Variants in CSMD2 observed in about 807,000 individuals in gnomAD.
The protein encoded by CSMD2 is CUB and Sushi multiple domains 2.
A neutral mutation model predicts 398.5 loss-of-function variants in CSMD2; 130 were observed. That is an observed-to-expected ratio of 0.33 (90% CI 0.28 to 0.38). The LOEUF (loss-of-function observed/expected upper bound fraction) is 0.38. Among genes scored for constraint, CSMD2 ranks in the 10% least tolerant of loss-of-function variants. The pLI is 1.00. For synonymous variants in CSMD2, 1,828 were observed against 1,908.5 expected (o/e 0.96, Z 1.10); for missense variants, 3,829 against 4,764.9 (o/e 0.80, Z 5.78).
chr1:33,936,289 A>G (rs79161330), intron 3 of CSMD2, among the ~76,000 whole-genome samples: 2,503 of 152,110 alleles, frequency 0.016, 63 homozygotes, highest in African/African-American at 0.056. Context: ...TATTACTTTA[A>G]CCTCTTGGGC....
intron 5 of CSMD2, among the ~76,000 whole-genome samples, chr1:33,911,431 A>T (rs1643436675): frequency 6.6e-6 from 1 of 152,236 alleles, no homozygotes; most frequent in South Asian, 2.1e-4. Flanking sequence ...TCCATGGGTA[A>T]AATGCCTAAT....
intron 12 of CSMD2, among the ~76,000 whole-genome samples, chr1:33,776,043 G>A (rs759082092): frequency 5.3e-5 from 8 of 152,218 alleles, no homozygotes; most frequent in Non-Finnish European, 1.0e-4. Context: ...TACCAAACAG[G>A]AGAAGAGAAG....
intron 5 of CSMD2, among the ~76,000 whole-genome samples, chr1:33,887,150 T>C (rs1641654962): frequency 1.3e-5 from 2 of 152,026 alleles, no homozygotes; most frequent in South Asian, 4.2e-4. Context: ...TGTAAAATGA[T>C]CAAATGCTTT....
At chr1:33,964,177 G>T (rs191300229) in intron 3 of CSMD2, among the ~76,000 whole-genome samples, 1 of 152,284 alleles carries the variant, frequency 6.6e-6, no homozygotes, top group Non-Finnish European at 1.5e-5. Flanking sequence ...TGGAGAGAAG[G>T]CGCTGCAGCA....
intron 46 of CSMD2, among the ~76,000 whole-genome samples, chr1:33,584,474 A>G (rs1039126574): frequency 1.1e-4 from 16 of 152,144 alleles, no homozygotes; most frequent in African/African-American, 3.4e-4. Context: ...ACTCAAGACC[A>G]TCCTGGCCAA....
At chr1:33,539,517 C>A (rs904183290) in intron 60 of CSMD2, among the ~76,000 whole-genome samples, 9 of 152,146 alleles carry the variant, frequency 5.9e-5, no homozygotes, top group African/African-American at 2.2e-4. Context: ...ACAGCATGAG[C>A]CAATACCAGT....
At position 33,992,893 on chromosome 1, in the gene CSMD2, A is replaced by G. The variant is rs1296978185; in HGVS notation, c.517+39701T>C. On this transcript the variant is annotated intron_variant, in intron 3 of 70. Transcript: ENST00000373381. ...CTCCATCTCAAAAAAAAAAAAAAAAAAGTTAGATAACTCATGGCACAGAGA... is the reference window on the plus strand; with the variant it reads ...CTCCATCTCAAAAAAAAAAAAAAAAGAGTTAGATAACTCATGGCACAGAGA... Among the ~76,000 whole-genome samples, 4 of 151,638 alleles carry G rather than the reference A, an allele frequency of 2.6e-5. No individual in the cohort carries two copies. The East Asian group carries it at 7.8e-4, about 29-fold the overall frequency.
rs1164924879 is a variant in CSMD2, at chr1:33,935,933, C to T, written c.539G>A (p.Gly180Glu). ...GCCATTGGGCAGCCTCCCTGGGTTC[C>T]CACATGTGTGGCTGGGGAGAACTGT... ...TYEVLPSHTC[G>E]NPGRLPNGIQ... The change falls in exon 4 of 71, where the codon GGG (glycine) becomes GAG (glutamate). Residue 180 changes from glycine (G) to glutamate (E), a missense_variant. Transcript: ENST00000373381. 1 of 1,611,826 alleles carries T rather than the reference C, an allele frequency of 6.2e-7. No individual in the cohort carries two copies. Among genetic ancestry groups the T allele is most frequent in the South Asian group, 1.1e-5 (1 of 90,694 alleles).
At position 33,641,503 on chromosome 1, in the gene CSMD2, A is replaced by G. The variant is rs72662048; in HGVS notation, c.4775-4949T>C. On this transcript the variant is annotated intron_variant, in intron 29 of 70. Coordinates refer to ENST00000373381, the MANE Select transcript of CSMD2 (RefSeq NM_001281956.2). ...GACTCCATTTTGGTAACTGTATCCA[A>G]AACACAGGATCCCTGCTGTTCTTTG... 2.7e-3 allele frequency among the ~76,000 whole-genome samples: 415 copies of G among 152,306 alleles called. 1 individual carries two copies. The highest frequency in any genetic ancestry group is 4.9e-3 in the Non-Finnish European group (333 of 68,014).
rs577249734 is a variant in CSMD2 at position 33,623,575 on chromosome 1, A to G, written c.5626-109T>C. The G allele has an allele frequency of 5.2e-6, 4 of 770,718 alleles. No individual in the cohort carries two copies. The East Asian group carries it at 7.7e-5, about 15-fold the overall frequency. 47.7% of individuals were successfully genotyped at this position (770,718 alleles called of 1,614,324 possible). On this transcript the variant is annotated intron_variant, in intron 35 of 70. Coordinates refer to ENST00000373381, the MANE Select transcript of CSMD2 (RefSeq NM_001281956.2). ...AGTTAATTCAATTTGTTGAGAATCT[A>G]CTCTGGGCCTAACACTGTGCTAGTC...
intron 22 of CSMD2, among the ~76,000 whole-genome samples, chr1:33,708,430 G>C (rs1433868394): frequency 6.6e-6 from 1 of 152,004 alleles, no homozygotes; most frequent in African/African-American, 2.4e-5. Context: ...TTCACACACA[G>C]GTGGAAACAT....
At chr1:33,733,947 C>A (rs971626456) in intron 15 of CSMD2, among the ~76,000 whole-genome samples, 1 of 152,126 alleles carries the variant, frequency 6.6e-6, no homozygotes, top group Non-Finnish European at 1.5e-5. Flanking sequence ...TCAATGATTA[C>A]CAGCTGGGTG....
chr1:33,670,543 T>C (rs1644462886), intron 25 of CSMD2, among the ~76,000 whole-genome samples: 1 of 152,190 alleles, frequency 6.6e-6, no homozygotes, highest in East Asian at 1.9e-4. Context: ...CCTCGGATCT[T>C]ACAGCTGTAT....
chr1:33,650,524 G>A (rs185041504), intron 28 of CSMD2, among the ~76,000 whole-genome samples: 1 of 152,012 alleles, frequency 6.6e-6, no homozygotes, highest in East Asian at 1.9e-4. Flanking sequence ...GTTCCATCTG[G>A]CTGGAGCTTA....
chr1:34,057,070 T>C (rs575774693), intron 2 of CSMD2, among the ~76,000 whole-genome samples: 1 of 152,292 alleles, frequency 6.6e-6, no homozygotes, highest in East Asian at 1.9e-4. Flanking sequence ...TGGCATCTAC[T>C]GGATCTGCTG....
intron 25 of CSMD2, among the ~76,000 whole-genome samples, chr1:33,669,843 G>A (rs1644434160): frequency 6.6e-6 from 1 of 152,156 alleles, no homozygotes; most frequent in Admixed American, 6.5e-5. Flanking sequence ...CACAGGGAAG[G>A]AGACCATGTG....
At chr1:33,933,716 T>C (rs1404859524) in intron 4 of CSMD2, among the ~76,000 whole-genome samples, 1 of 152,144 alleles carries the variant, frequency 6.6e-6, no homozygotes, top group Non-Finnish European at 1.5e-5. Context: ...AGGTCTCACC[T>C]GATTGGTTTG....
At chr1:33,531,493 A>G (rs1655227772) in intron 64 of CSMD2, among the ~76,000 whole-genome samples, 1 of 152,214 alleles carries the variant, frequency 6.6e-6, no homozygotes, top group African/African-American at 2.4e-5. Context: ...AACTGAAAAC[A>G]TATTAAAACA....
chr1:34,108,112 G>A, intron 1 of CSMD2, among the ~76,000 whole-genome samples: 1 of 152,002 alleles, frequency 6.6e-6, no homozygotes, highest in East Asian at 1.9e-4. Flanking sequence ...CTTTTCATTT[G>A]TTTCTTTATC....
Sources: allele counts gnomAD v4.1 joint callset (sites outside exome capture counted in the v4.1 genomes callset), GRCh38; gene constraint gnomAD v4.1.1; transcripts MANE v1.5; gene names NCBI Gene and HGNC (gene_info 2026-07-23, HGNC 2026-07-21).